PACSIN2: variants seen among roughly 807,000 people sequenced by gnomAD.
PACSIN2 encodes the protein protein kinase C and casein kinase substrate in neurons 2.
In PACSIN2, 25 loss-of-function variants were observed where a neutral mutation model predicts 63.8. The observed-to-expected ratio is 0.39, with a 90% CI of 0.29 to 0.55. The LOEUF is 0.55. Ranked by LOEUF, PACSIN2 falls within the 20% of genes least tolerant of loss-of-function variation. The pLI is 0.62. For synonymous variants in PACSIN2, 255 were observed against 256.2 expected, an observed-to-expected ratio of 1.00 and a Z score of 0.05; for missense variants, 518 against 646.9, an observed-to-expected ratio of 0.80 and a Z score of 2.16.
intron 7 of PACSIN2, among the ~76,000 whole-genome samples, chr22:42,880,277 G>A (rs9607977): frequency 0.049 from 7,404 of 152,252 alleles, 293 homozygotes; most frequent in African/African-American, 0.11. Flanking sequence ...ACGCAGTGTG[G>A]GTGGCAGACT....
At chr22:42,972,217 T>C (rs950904671) in intron 1 of PACSIN2, among the ~76,000 whole-genome samples, 40 of 152,368 alleles carry the variant, frequency 2.6e-4, no homozygotes, top group Non-Finnish European at 4.6e-4. Context: ...CCCAATCCCG[T>C]GCTCTCTGAA....
intron 1 of PACSIN2, among the ~76,000 whole-genome samples, chr22:43,010,398 A>ATATATATATATTTTTTT: frequency 2.4e-5 from 3 of 126,392 alleles, no homozygotes; most frequent in Non-Finnish European, 5.2e-5. Flanking sequence ...ATATATATAT[A>ATATATATATATTTTTTT]TTTTTTTTTA....
At chr22:42,897,435 T>A (rs1286607618) in intron 2 of PACSIN2, among the ~76,000 whole-genome samples, 2 of 152,254 alleles carry the variant, frequency 1.3e-5, no homozygotes, top group Non-Finnish European at 2.9e-5. Context: ...TAGGTTGTTT[T>A]GGGATAGCCA....
chr22:42,905,132 G>A (rs1263939050), intron 2 of PACSIN2, among the ~76,000 whole-genome samples: 1 of 152,178 alleles, frequency 6.6e-6, no homozygotes, highest in Non-Finnish European at 1.5e-5. Context: ...TTTATCTTCA[G>A]AAGACAAGCT....
At chr22:42,932,702 T>C (rs1043667781) in intron 1 of PACSIN2, among the ~76,000 whole-genome samples, 1 of 152,046 alleles carries the variant, frequency 6.6e-6, no homozygotes, top group Non-Finnish European at 1.5e-5. Context: ...CAAATGTTTA[T>C]TGAGCTGAGA....
chr22:42,897,087 C>T (rs1037737350), intron 2 of PACSIN2, among the ~76,000 whole-genome samples: 2 of 152,102 alleles, frequency 1.3e-5, no homozygotes, highest in Non-Finnish European at 2.9e-5. Flanking sequence ...CAGGTACGCA[C>T]CACCACACCT....
chr22:42,905,785 G>A lies in PACSIN2; in HGVS notation c.60+6236C>T, dbSNP rs543374068. The stretch of plus-strand genomic sequence containing the variant: ...TGGCTCCCTGCAGTGCTCCTGGTGG[G>A]TGGATGGGTAAAAGGGATTGGTGCT... On this transcript the variant is annotated intron_variant, in intron 2 of 10. Transcript: ENST00000263246. 9.8e-5 allele frequency among the ~76,000 whole-genome samples: 15 copies of A among 152,358 alleles called. No individual in the cohort carries two copies. The South Asian group carries it at 3.1e-3, about 32-fold the overall frequency.
chr22:42,874,632 G>T (rs549836459), intron 10 of PACSIN2, among the ~76,000 whole-genome samples: 1 of 152,194 alleles, frequency 6.6e-6, no homozygotes, highest in African/African-American at 2.4e-5. Flanking sequence ...TGGCAGTTGG[G>T]GACCCCTAGA....
At chr22:42,874,795 T>C (rs1371356748) in intron 10 of PACSIN2, among the ~76,000 whole-genome samples, 1 of 151,640 alleles carries the variant, frequency 6.6e-6, no homozygotes, top group Non-Finnish European at 1.5e-5. Flanking sequence ...AGGTGAGGAG[T>C]CCAGGCACTG....
intron 1 of PACSIN2, among the ~76,000 whole-genome samples, chr22:42,946,412 G>A (rs966646510): frequency 4.6e-5 from 7 of 152,184 alleles, no homozygotes; most frequent in Middle Eastern, 3.2e-3. Context: ...TGAGCCTGGC[G>A]AGAGCAGCAA....
In PACSIN2 at chr22:42,969,300, C is replaced by G. The variant is rs550582987; in HGVS notation, c.-78+45721G>C. ...AATGATCATGACATTACATGGTAAA[C>G]TTTCTTTGTATTCTATAAATGTATT... is the stretch of plus-strand genomic sequence containing the variant. On this transcript the variant is annotated intron_variant, in intron 1 of 10. Transcript: ENST00000263246. Among the ~76,000 whole-genome samples, 4 of 152,222 alleles carry G rather than the reference C, an allele frequency of 2.6e-5. No homozygotes were observed. In the South Asian group the frequency reaches 8.3e-4, roughly 32 times the overall value.
At chr22:42,875,305 G>A (rs1203971555) in intron 10 of PACSIN2, among the ~76,000 whole-genome samples, 1 of 152,184 alleles carries the variant, frequency 6.6e-6, no homozygotes, top group Non-Finnish European at 1.5e-5. Flanking sequence ...ACCACGCCCA[G>A]CTAATCTGCT....
At position 42,969,553 on chromosome 22, in the gene PACSIN2, T is replaced by C. The variant is rs148034056; in HGVS notation, c.-78+45468A>G. ...TCAATAACTCTGGCAACGATGACCA[T>C]TGTAACACCGGCATTATCCAAGCAA... On this transcript the variant is annotated intron_variant, in intron 1 of 10. Coordinates refer to ENST00000263246, the MANE Select transcript of PACSIN2 (RefSeq NM_001184970.3). 1.7e-4 allele frequency among the ~76,000 whole-genome samples: 26 copies of C among 152,260 alleles called. No homozygotes were observed. In the East Asian group the frequency reaches 3.9e-3, roughly 23 times the overall value.
chr22:43,003,661 G>A (rs1923910468), intron 1 of PACSIN2, among the ~76,000 whole-genome samples: 1 of 152,236 alleles, frequency 6.6e-6, no homozygotes, highest in African/African-American at 2.4e-5. Context: ...ATGCTCTTAT[G>A]TGATATCACA....
intron 1 of PACSIN2, among the ~76,000 whole-genome samples, chr22:42,952,441 C>T (rs1424878054): frequency 1.3e-5 from 2 of 150,166 alleles, no homozygotes; most frequent in Admixed American, 6.7e-5. Context: ...CTGCAGCAGC[C>T]TCTGCCTCCT....
At chr22:42,961,320 C>T (rs552593112) in intron 1 of PACSIN2, among the ~76,000 whole-genome samples, 8 of 152,234 alleles carry the variant, frequency 5.3e-5, no homozygotes, top group South Asian at 2.1e-4. Flanking sequence ...TGCGGAAGGC[C>T]GCAGGGTCCT....
At chr22:42,942,933 T>G (rs558010608) in intron 1 of PACSIN2, among the ~76,000 whole-genome samples, 3 of 152,338 alleles carry the variant, frequency 2.0e-5, no homozygotes, top group Admixed American at 6.5e-5. Context: ...ATTGGCTTGT[T>G]GCTTTGGGAT....
At chr22:42,921,962 C>G (rs112660561) in intron 1 of PACSIN2, among the ~76,000 whole-genome samples, 5,920 of 152,264 alleles carry the variant, frequency 0.039, 146 homozygotes, top group Non-Finnish European at 0.059. Flanking sequence ...TGGTCTCGAA[C>G]TCCTGAACTC....
intron 1 of PACSIN2, among the ~76,000 whole-genome samples, chr22:42,996,247 T>C (rs1923392842): frequency 6.9e-6 from 1 of 144,124 alleles, no homozygotes; most frequent in African/African-American, 2.6e-5. Flanking sequence ...ATTAGCCAGG[T>C]ATGACACTGG....
Sources: gnomAD v4.1 joint callset for allele counts (sites outside exome capture counted in the v4.1 genomes callset) on GRCh38, gnomAD v4.1.1 for gene constraint, MANE v1.5 for transcripts, NCBI Gene and HGNC (gene_info 2026-07-23, HGNC 2026-07-21) for gene names.